LDAF1: variants seen among roughly 807,000 people sequenced by gnomAD.
LDAF1 encodes the protein PROMETHIN.
In LDAF1, 7 loss-of-function variants were observed where a neutral mutation model predicts 13.5. The observed-to-expected ratio is 0.52, with a 90% CI of 0.29 to 0.97. The LOEUF (loss-of-function observed/expected upper bound fraction) is 0.97. Ranked by LOEUF, LDAF1 falls within the 50% of genes least tolerant of loss-of-function variation. The pLI, the probability that LDAF1 is intolerant of heterozygous loss-of-function variation, is 0.07. For synonymous variants in LDAF1, 69 were observed against 77.1 expected (o/e 0.89, Z 0.55); for missense variants, 148 against 193.2 (o/e 0.77, Z 1.39).
intron 2 of LDAF1, chr16:21,170,164 GGC>G (rs917982783): frequency 4.9e-5 from 12 of 247,254 alleles, no homozygotes; most frequent in African/African-American, 2.8e-4. Flanking sequence ...CACCGTGCCT[GGC>G]TAATTTTGTA....
chr16:21,163,934 T>G (rs1208758558), intron 2 of LDAF1, among the ~76,000 whole-genome samples: 1 of 152,176 alleles, frequency 6.6e-6, no homozygotes. Flanking sequence ...ACTCCTGACC[T>G]CAGGCAATCC....
chr16:21,174,216 G>C (rs985795447), intron 4 of LDAF1, 68 bp downstream of exon 4: 1 of 1,430,354 alleles, frequency 7.0e-7, no homozygotes, highest in Non-Finnish European at 9.4e-7. Flanking sequence ...TTGAGACAAG[G>C]CCTCACTCTG....
chr16:21,174,252 T>C lies in LDAF1; in HGVS notation c.404+104T>C, dbSNP rs538167752. ...TCACTCAGGCTGGAGTGCAGTGGCATGAACATAGCTCGCTACAGCCTCAAC... is the reference window on the plus strand; with the variant it reads ...TCACTCAGGCTGGAGTGCAGTGGCACGAACATAGCTCGCTACAGCCTCAAC... On this transcript the variant is annotated intron_variant, in intron 4 of 4. Transcript: ENST00000233047. The C allele has an allele frequency of 1.8e-5, 20 of 1,087,892 alleles. No individual in the cohort carries two copies. The South Asian group carries it at 3.4e-4, about 18-fold the overall frequency. 67.4% of individuals were successfully genotyped at this position (1,087,892 alleles called of 1,614,324 possible). A position where few individuals can be genotyped will look rare whatever the true frequency, so the allele number is the denominator to read the frequency against.
At chr16:21,165,539 A>G in intron 2 of LDAF1, 1 of 966,966 alleles carries the variant, frequency 1.0e-6, no homozygotes, top group Non-Finnish European at 1.2e-6. Context: ...TTGTCATTCC[A>G]CTTTCATACC....
intron 2 of LDAF1, among the ~76,000 whole-genome samples, chr16:21,165,337 G>A (rs959139015): frequency 6.6e-6 from 1 of 152,068 alleles, no homozygotes; most frequent in Non-Finnish European, 1.5e-5. Context: ...CCTGAACCTG[G>A]GAAGCGGAAG....
intron 2 of LDAF1, among the ~76,000 whole-genome samples, chr16:21,166,503 G>A (rs1217289969): frequency 6.6e-6 from 1 of 152,228 alleles, no homozygotes; most frequent in Non-Finnish European, 1.5e-5. Context: ...TTCAAGTGCT[G>A]AATGGCGCAG....
intron 2 of LDAF1, among the ~76,000 whole-genome samples, chr16:21,163,372 G>A (rs1363952261): frequency 1.3e-5 from 2 of 152,170 alleles, no homozygotes; most frequent in Non-Finnish European, 2.9e-5. Flanking sequence ...CAGGCCAGGC[G>A]TGGTAGCTCA....
intron 2 of LDAF1, among the ~76,000 whole-genome samples, chr16:21,167,433 C>CCTAA (rs2093034518): frequency 6.6e-6 from 1 of 152,194 alleles, no homozygotes; most frequent in African/African-American, 2.4e-5. Context: ...AGGCGTGGAG[C>CCTAA]CTAAGGAGGA....
intron 2 of LDAF1, among the ~76,000 whole-genome samples, chr16:21,170,014 G>GCACCT (rs2093070811): frequency 2.0e-5 from 3 of 151,070 alleles, no homozygotes; most frequent in African/African-American, 7.3e-5. Flanking sequence ...GTGCAATGGT[G>GCACCT]TGACCTTGGC....
intron 2 of LDAF1, among the ~76,000 whole-genome samples, chr16:21,161,816 T>C (rs12386036): frequency 0.47 from 71,735 of 151,990 alleles, 17,430 homozygotes; most frequent in East Asian, 0.69. Flanking sequence ...ACGTATGTAA[T>C]TTAGAATTTT....
rs9302392 is a variant in LDAF1, at chr16:21,170,304, G to A, written c.97-133G>A. Reference sequence around the variant, plus strand: ...AGACATGAGCCACTGCACCCGGCCTGTAGTGACTTGTTAATGCATAAGCCT... The same window carrying A: ...AGACATGAGCCACTGCACCCGGCCTATAGTGACTTGTTAATGCATAAGCCT... On this transcript the variant is annotated intron_variant, in intron 2 of 4. Coordinates refer to ENST00000233047, the MANE Select transcript of LDAF1 (RefSeq NM_001301771.2). 2,270 of 1,535,834 alleles carry A rather than the reference G, an allele frequency of 1.5e-3. 38 individuals are homozygous for A. In the African/African-American group the frequency reaches 0.029, roughly 19 times the overall value.
At chr16:21,168,979 A>G (rs1035218403) in intron 2 of LDAF1, among the ~76,000 whole-genome samples, 1 of 132,016 alleles carries the variant, frequency 7.6e-6, no homozygotes, top group African/African-American at 2.9e-5. Context: ...TATATTATAT[A>G]TAATTATAAA....
At chr16:21,170,352 T>C in intron 2 of LDAF1, 85 bp from the exon 3 acceptor site, 1 of 1,583,252 alleles carries the variant, frequency 6.3e-7, no homozygotes, top group South Asian at 1.2e-5. Flanking sequence ...ACTTCTGCCT[T>C]GTAATTCCCA....
intron 2 of LDAF1, among the ~76,000 whole-genome samples, chr16:21,164,895 C>A (rs1042583956): frequency 6.6e-6 from 1 of 152,178 alleles, no homozygotes; most frequent in Non-Finnish European, 1.5e-5. Flanking sequence ...TTAGGTCGTT[C>A]TTTTTTACCT....
intron 2 of LDAF1, among the ~76,000 whole-genome samples, chr16:21,161,885 T>G (rs1271158045): frequency 1.3e-5 from 2 of 152,150 alleles, no homozygotes; most frequent in Non-Finnish European, 1.5e-5. Context: ...TGGCTGGGCA[T>G]AGTGGCTCCC....
chr16:21,170,253 T>C, intron 2 of LDAF1, 184 bp from the exon 3 acceptor site: 5 of 970,176 alleles, frequency 5.2e-6, no homozygotes, highest in Non-Finnish European at 6.1e-6. Context: ...TCCGCTCGCC[T>C]TGGCCTCCCA....
intron 2 of LDAF1, chr16:21,166,784 A>G (rs1162097204): frequency 2.7e-6 from 4 of 1,464,612 alleles, no homozygotes; most frequent in South Asian, 2.4e-5. Context: ...GCAAGGGACC[A>G]GCCCACATTC....
chr16:21,165,674 C>G (rs777447401), intron 2 of LDAF1: 5 of 875,686 alleles, frequency 5.7e-6, no homozygotes, highest in Non-Finnish European at 6.8e-6. Flanking sequence ...GTTCATATTT[C>G]TTAAATCATT....
chr16:21,168,724 T>A (rs1044064982), intron 2 of LDAF1, among the ~76,000 whole-genome samples: 29 of 135,162 alleles, frequency 2.1e-4, no homozygotes, highest in African/African-American at 8.0e-4. Flanking sequence ...TATATATTTT[T>A]AATATTATAT....
Sources: gnomAD v4.1 joint callset for allele counts (sites outside exome capture counted in the v4.1 genomes callset) on GRCh38, gnomAD v4.1.1 for gene constraint, MANE v1.5 for transcripts, NCBI Gene and HGNC (gene_info 2026-07-23, HGNC 2026-07-21) for gene names.